The following C1QTNF3 variants were observed in gnomAD, a reference collection of about 807,000 sequenced individuals.
C1QTNF3 encodes complement C1q tumor necrosis factor-related protein 3.
Under a neutral mutation model 32.6 loss-of-function variants are expected in C1QTNF3, and 26 were observed. The ratio of observed to expected loss-of-function variants is 0.80; its 90% CI spans 0.58 to 1.11. The LOEUF (loss-of-function observed/expected upper bound fraction) is 1.11, where lower values mean the gene tolerates loss of function less well. Among genes scored for constraint, C1QTNF3 ranks in the 50% least tolerant of loss-of-function variants. The probability of loss-of-function intolerance (pLI) is 0.00; values close to 1 mark genes in which losing one functional copy is unlikely to be tolerated. For synonymous variants in C1QTNF3, 155 were observed against 146.0 expected (o/e 1.06, Z -0.44); for missense variants, 362 against 398.2 (o/e 0.91, Z 0.77).
chr5:34,244,627 C>T, the C1QTNF3 span: 1 of 152,082 alleles, frequency 6.6e-6, no homozygotes, highest in African/African-American at 2.4e-5. Context: ...TTGAGCTAGA[C>T]ACAGCATGCT....
the C1QTNF3 span, among the ~76,000 whole-genome samples, chr5:34,050,362 T>C: frequency 6.6e-6 from 1 of 152,216 alleles, no homozygotes; most frequent in Admixed American, 6.5e-5. Flanking sequence ...ACTAGGCTTA[T>C]TCAGATAATA....
chr5:34,047,263 C>T (rs533697008), upstream of C1QTNF3, among the ~76,000 whole-genome samples: 6 of 152,200 alleles, frequency 3.9e-5, no homozygotes, highest in South Asian at 2.1e-4. Context: ...CCAGTTAGGA[C>T]GTTGGCAGGG....
chr5:34,131,022 A>C, the C1QTNF3 span, among the ~76,000 whole-genome samples: 1 of 152,254 alleles, frequency 6.6e-6, no homozygotes, highest in Non-Finnish European at 1.5e-5. Context: ...TTTGATTATT[A>C]TCCTTGCCCT....
the C1QTNF3 span, among the ~76,000 whole-genome samples, chr5:34,066,906 C>T: frequency 1.3e-5 from 2 of 152,026 alleles, no homozygotes; most frequent in Non-Finnish European, 2.9e-5. Context: ...ACTTGTATGT[C>T]CTTCTTCCCT....
the C1QTNF3 span, among the ~76,000 whole-genome samples, chr5:34,127,415 A>G: frequency 0.53 from 79,696 of 150,938 alleles, 22,401 homozygotes; most frequent in Non-Finnish European, 0.62. Flanking sequence ...ATTGTGAACT[A>G]TAGTAAAGGT....
the C1QTNF3 span, among the ~76,000 whole-genome samples, chr5:34,115,949 TTAAAG>T: frequency 1.3e-5 from 2 of 152,124 alleles, no homozygotes; most frequent in Non-Finnish European, 2.9e-5. Context: ...TGGAACAAAC[TTAAAG>T]TAATTTTTAG....
At chr5:34,185,196 A>AT in the C1QTNF3 span, among the ~76,000 whole-genome samples, 38 of 152,304 alleles carry the variant, frequency 2.5e-4, no homozygotes, top group African/African-American at 8.9e-4. Flanking sequence ...AAACTACAAA[A>AT]AATATATATA....
chr5:34,235,546 C>CTTTTTTTTTTTTTTTTTTTTT, the C1QTNF3 span, among the ~76,000 whole-genome samples: 1 of 103,928 alleles, frequency 9.6e-6, no homozygotes, highest in Non-Finnish European at 2.0e-5. Context: ...ATTTCTTTTT[C>CTTTTTTTTTTTTTTTTTTTTT]TTTTTTTTTT....
chr5:34,109,499 T>C, the C1QTNF3 span, among the ~76,000 whole-genome samples: 2 of 151,972 alleles, frequency 1.3e-5, no homozygotes, highest in Non-Finnish European at 2.9e-5. Flanking sequence ...AATTAAATCA[T>C]AATTACAAGG....
the C1QTNF3 span, among the ~76,000 whole-genome samples, chr5:34,238,046 T>A: frequency 1.3e-5 from 2 of 152,184 alleles, no homozygotes; most frequent in Non-Finnish European, 2.9e-5. Context: ...CATATACACC[T>A]GTGAAACCAA....
At chr5:34,160,954 T>C in the C1QTNF3 span, among the ~76,000 whole-genome samples, 1 of 152,198 alleles carries the variant, frequency 6.6e-6, no homozygotes, top group Non-Finnish European at 1.5e-5. Flanking sequence ...TGCTTATTTT[T>C]CTTAATAAGA....
At chr5:34,236,175 A>G in the C1QTNF3 span, among the ~76,000 whole-genome samples, 2 of 152,352 alleles carry the variant, frequency 1.3e-5, no homozygotes, top group Admixed American at 1.3e-4. Context: ...TATAAAGTAT[A>G]TAAGAATGAG....
chr5:34,018,051 A>G lies in C1QTNF3; in HGVS notation c.*2532T>C, dbSNP rs1166736889. 6.6e-6 allele frequency among the ~76,000 whole-genome samples: 1 copy of G among 151,926 alleles called. No individual in the cohort carries two copies. Among genetic ancestry groups the G allele is most frequent in the Non-Finnish European group, 1.5e-5 (1 of 67,984 alleles). On this transcript the variant is annotated 3_prime_UTR_variant, in exon 6 of 6. Coordinates refer to ENST00000382065, the MANE Select transcript of C1QTNF3 (RefSeq NM_181435.6). ...GTTTAGTCCAACCCATTAGAGCAAG[A>G]TACAAAAATATATAAAAAGCTAATT... is the stretch of plus-strand genomic sequence containing the variant.
the C1QTNF3 span, chr5:34,167,791 T>C: frequency 2.0e-5 from 3 of 152,216 alleles, no homozygotes; most frequent in Admixed American, 6.5e-5. Flanking sequence ...GTTACTTTGA[T>C]AGGTAATAAA....
intron 5 of C1QTNF3, 60 bp from the exon 6 acceptor site, chr5:34,020,802 C>T: frequency 6.5e-7 from 1 of 1,539,080 alleles, no homozygotes; most frequent in East Asian, 2.3e-5. Flanking sequence ...AGCTCTTCAC[C>T]AAAGTCTGTG....
chr5:34,056,448 G>GTATA, the C1QTNF3 span, among the ~76,000 whole-genome samples: 13 of 42,686 alleles, frequency 3.0e-4, no homozygotes, highest in African/African-American at 1.1e-3. Flanking sequence ...GTGTGTGTGT[G>GTATA]TGTGTGTATA....
At chr5:34,143,807 A>G in the C1QTNF3 span, among the ~76,000 whole-genome samples, 1 of 152,298 alleles carries the variant, frequency 6.6e-6, no homozygotes, top group East Asian at 1.9e-4. Flanking sequence ...TTGAAAAATG[A>G]CACCTGCTAC....
chr5:34,158,726 C>T, the C1QTNF3 span: 1 of 151,984 alleles, frequency 6.6e-6, no homozygotes, highest in Non-Finnish European at 1.5e-5. Flanking sequence ...AAATATTTTT[C>T]ATAAGACCTT....
the C1QTNF3 span, among the ~76,000 whole-genome samples, chr5:34,132,900 T>A: frequency 6.6e-6 from 1 of 152,182 alleles, no homozygotes; most frequent in Non-Finnish European, 1.5e-5. Flanking sequence ...ATGAGACACA[T>A]TAATGAAGCC....
Sources: gnomAD v4.1 joint callset for allele counts (sites outside exome capture counted in the v4.1 genomes callset) on GRCh38, gnomAD v4.1.1 for gene constraint, MANE v1.5 for transcripts, NCBI Gene and HGNC (gene_info 2026-07-23, HGNC 2026-07-21) for gene names.